The following NRG1 variants were observed in gnomAD, a reference collection of about 807,000 sequenced individuals.
NRG1 encodes neuregulin 1.
NRG1 carries 18 observed loss-of-function variants against 63.8 expected under a neutral mutation model. The observed-to-expected ratio is 0.28, with a 90% confidence interval of 0.19 to 0.42. The LOEUF (loss-of-function observed/expected upper bound fraction) is 0.42. NRG1 is among the 10% of genes least tolerant of loss of function. The pLI, the probability that NRG1 is intolerant of heterozygous loss-of-function variation, is 1.00. For synonymous variants in NRG1, 302 were observed against 301.3 expected (o/e 1.00, Z -0.02); for missense variants, 762 against 814.7 (o/e 0.94, Z 0.79).
At chr8:32,202,232 C>T (rs532936681) in intron 1 of NRG1, among the ~76,000 whole-genome samples, 87 of 152,282 alleles carry the variant, frequency 5.7e-4, no homozygotes, top group Middle Eastern at 3.4e-3. Context: ...GAGGGCCCTT[C>T]AAGGTACTTT....
At chr8:32,647,627 C>T in intron 5 of NRG1, 1 of 1,470,926 alleles carries the variant, frequency 6.8e-7, no homozygotes. Flanking sequence ...TATCGATTTC[C>T]CCCTGTAAGA....
At chr8:32,623,879 A>C (rs570641351) in intron 5 of NRG1, among the ~76,000 whole-genome samples, 63 of 152,328 alleles carry the variant, frequency 4.1e-4, no homozygotes, top group African/African-American at 1.5e-3. Context: ...GTTTTGATTA[A>C]GCTTTGACCT....
At chr8:32,677,526 C>T (rs550625811) in intron 5 of NRG1, among the ~76,000 whole-genome samples, 2 of 152,006 alleles carry the variant, frequency 1.3e-5, no homozygotes, top group East Asian at 1.9e-4. Flanking sequence ...GGCATGGTGG[C>T]ACATTCCTGT....
chr8:31,674,908 T>C (rs145577232), intron 1 of NRG1, among the ~76,000 whole-genome samples: 346 of 152,260 alleles, frequency 2.3e-3, no homozygotes, highest in African/African-American at 8.1e-3. Context: ...GCACTATCCT[T>C]TCCTTACTCC....
intron 1 of NRG1, among the ~76,000 whole-genome samples, chr8:32,408,775 C>T (rs550059109): frequency 1.3e-4 from 20 of 152,058 alleles, no homozygotes; most frequent in East Asian, 5.8e-4. Context: ...GTTTATTTAG[C>T]GGGTACAAGT....
At chr8:31,937,848 C>G (rs1045754144) in intron 1 of NRG1, among the ~76,000 whole-genome samples, 2 of 152,162 alleles carry the variant, frequency 1.3e-5, no homozygotes, top group Admixed American at 1.3e-4. Context: ...CCATCCCCCA[C>G]AGCAGCCACA....
At chr8:32,759,889 T>C (rs1462577352) in intron 10 of NRG1, among the ~76,000 whole-genome samples, 1 of 152,148 alleles carries the variant, frequency 6.6e-6, no homozygotes, top group African/African-American at 2.4e-5. Context: ...TACAAGGAAA[T>C]GTTTCTTTAA....
chr8:32,690,771 T>C (rs1589226554), intron 5 of NRG1, among the ~76,000 whole-genome samples: 1 of 152,108 alleles, frequency 6.6e-6, no homozygotes, highest in Non-Finnish European at 1.5e-5. Context: ...TGACTCTTTA[T>C]CAGGGCTCTT....
At chr8:31,721,249 T>C (rs1429404848) in intron 1 of NRG1, among the ~76,000 whole-genome samples, 1 of 152,188 alleles carries the variant, frequency 6.6e-6, no homozygotes, top group East Asian at 1.9e-4. Context: ...CAAATGTGTT[T>C]ATTATGCCCC....
At chr8:32,691,126 T>C (rs1006988498) in intron 5 of NRG1, among the ~76,000 whole-genome samples, 3 of 152,058 alleles carry the variant, frequency 2.0e-5, no homozygotes, top group Non-Finnish European at 4.4e-5. Context: ...TTATCTTGAA[T>C]GAGGGTGGAC....
rs189729154 is a variant in NRG1, at chr8:32,087,709, T to A, written c.37+448278T>A. On this transcript the variant is annotated intron_variant, in intron 1 of 10. Transcript: ENST00000519301. ...TGCTCTTGAACTTCTGACCTTGTGA[T>A]CTGCCCGCCTCAGGCTCCCAAAGTG... Among the ~76,000 whole-genome samples, 141 of 152,228 alleles carry A rather than the reference T, an allele frequency of 9.3e-4. 2 individuals are homozygous for A. The highest frequency in any genetic ancestry group is 3.1e-3 in the Admixed American group (47 of 15,292).
intron 1 of NRG1, among the ~76,000 whole-genome samples, chr8:32,267,006 G>A (rs1273572446): frequency 5.9e-5 from 9 of 151,446 alleles, no homozygotes; most frequent in African/African-American, 1.5e-4. Context: ...CCAAGATTGC[G>A]CCACTGCACT....
At chr8:31,672,025 G>A (rs4504592) in intron 1 of NRG1, among the ~76,000 whole-genome samples, 1 of 152,002 alleles carries the variant, frequency 6.6e-6, no homozygotes, top group Non-Finnish European at 1.5e-5. Context: ...ACTATTATAA[G>A]AGGTCTTACT....
At chr8:32,384,585 C>T (rs1810747150) in intron 1 of NRG1, among the ~76,000 whole-genome samples, 1 of 152,162 alleles carries the variant, frequency 6.6e-6, no homozygotes, top group Non-Finnish European at 1.5e-5. Context: ...AGAATAGATA[C>T]AATTTTGCCT....
At chr8:32,388,357 A>G (rs550417732) in intron 1 of NRG1, among the ~76,000 whole-genome samples, 16 of 152,348 alleles carry the variant, frequency 1.1e-4, no homozygotes, top group Admixed American at 9.1e-4. Flanking sequence ...AGGATATGTT[A>G]TTAATTAGCA....
In NRG1 at chr8:32,534,158, A is replaced by C. The variant is rs1831734759; in HGVS notation, c.38-61670A>C. Among the ~76,000 whole-genome samples, 5 of 152,156 alleles carry C rather than the reference A, an allele frequency of 3.3e-5. 1 individual carries two copies. In the South Asian group the frequency reaches 1.0e-3, roughly 32 times the overall value. On this transcript the variant is annotated intron_variant, in intron 1 of 10. Transcript: ENST00000519301. ...CCCACATACTCAGAATATGGTAATG[A>C]GGAAATGCTGTCTGCCCTGGGAAGG...
At chr8:31,802,808 G>T (rs1052067121) in intron 1 of NRG1, among the ~76,000 whole-genome samples, 2 of 152,212 alleles carry the variant, frequency 1.3e-5, no homozygotes, top group Admixed American at 1.3e-4. Flanking sequence ...CATTCCAAAT[G>T]CAGGGAACAA....
intron 1 of NRG1, among the ~76,000 whole-genome samples, chr8:31,668,679 T>G (rs989784759): frequency 1.3e-5 from 2 of 152,198 alleles, no homozygotes; most frequent in African/African-American, 4.8e-5. Context: ...CTAAAGTCCT[T>G]TTTATCTTTA....
At chr8:32,763,409 G>T in intron 11 of NRG1, 2 of 1,589,894 alleles carry the variant, frequency 1.3e-6, no homozygotes, top group Non-Finnish European at 1.7e-6. Flanking sequence ...CTGAGCCTTG[G>T]TCCTTATATA....
Sources: gnomAD v4.1 joint callset for allele counts (sites outside exome capture counted in the v4.1 genomes callset) on GRCh38, gnomAD v4.1.1 for gene constraint, MANE v1.5 for transcripts, NCBI Gene and HGNC (gene_info 2026-07-23, HGNC 2026-07-21) for gene names.